The following KIAA1755 variants were observed in gnomAD, a reference collection of about 807,000 sequenced individuals.
The protein encoded by KIAA1755 is KIAA1755.
In KIAA1755, 68 loss-of-function variants were observed where a neutral mutation model predicts 91.7. That is an observed-to-expected ratio of 0.74 (90% CI 0.61 to 0.91). KIAA1755 has a LOEUF of 0.91. KIAA1755 is among the 40% of genes least tolerant of loss of function. The pLI is 0.00. For missense variants in KIAA1755, 1,535 were observed against 1,494.4 expected, an observed-to-expected ratio of 1.03 and a Z score of -0.45; for synonymous variants, 610 against 604.6, an observed-to-expected ratio of 1.01 and a Z score of -0.13.
rs2075558860 is a variant in KIAA1755, at chr20:38,217,114, G to GC, written c.2901+138_2901+139insG. ...GTGTCTGTGCAAGTGGGTGGGGGGG[G>GC]GCTGTGTCTAGGTATCCAAGGGATG... On this transcript the variant is annotated intron_variant, in intron 13 of 13. Transcript: ENST00000279024. 4.2e-6 allele frequency: 3 copies of GC among 708,276 alleles called. No homozygotes were observed. The African/African-American group carries it at 5.3e-5, about 13-fold the overall frequency. 43.9% of individuals were successfully genotyped at this position (708,276 alleles called of 1,614,324 possible). A position where few individuals can be genotyped will look rare whatever the true frequency, so the allele number is the denominator to read the frequency against.
chr20:38,222,336 G>T, intron 10 of KIAA1755, 113 bp downstream of exon 10: 3 of 1,162,514 alleles, frequency 2.6e-6, no homozygotes, highest in South Asian at 1.5e-5. Flanking sequence ...CTACTGCAAA[G>T]CTGGGCGCCC....
chr20:38,237,951 G>A (rs143291629), intron 4 of KIAA1755, among the ~76,000 whole-genome samples: 31 of 152,224 alleles, frequency 2.0e-4, no homozygotes, highest in African/African-American at 7.0e-4. Flanking sequence ...TTGCACACAT[G>A]CTACACATCA....
intron 1 of KIAA1755, among the ~76,000 whole-genome samples, chr20:38,251,615 G>C (rs1464045295): frequency 6.6e-6 from 1 of 150,658 alleles, no homozygotes; most frequent in Non-Finnish European, 1.5e-5. Context: ...ACCCAGGCTG[G>C]AGTACAGTGA....
intron 7 of KIAA1755, 34 bp downstream of exon 7, chr20:38,227,120 C>T (rs756378222): frequency 4.5e-6 from 7 of 1,558,748 alleles, no homozygotes; most frequent in South Asian, 1.1e-5. Flanking sequence ...CCAACAACTC[C>T]CTTCCTCAAC....
At chr20:38,251,678 G>A (rs2123316293) in intron 1 of KIAA1755, among the ~76,000 whole-genome samples, 1 of 150,852 alleles carries the variant, frequency 6.6e-6, no homozygotes, top group African/African-American at 2.4e-5. Context: ...TGATTCTTCT[G>A]CTTCAGCCTC....
intron 10 of KIAA1755, among the ~76,000 whole-genome samples, chr20:38,221,567 C>T (rs997470608): frequency 6.6e-6 from 1 of 152,186 alleles, no homozygotes; most frequent in Admixed American, 6.6e-5. Context: ...CTGGACTAAT[C>T]ACTTACCTTC....
rs1175418390 is a variant in KIAA1755 at position 38,212,534 on chromosome 20, T to C, written c.*508A>G. On this transcript the variant is annotated 3_prime_UTR_variant, in exon 14 of 14. Coordinates refer to ENST00000279024, the MANE Select transcript of KIAA1755 (RefSeq NM_001029864.2). ...TCGCCTCCTACTCCCCCAGCAGAGG[T>C]TCCTGGATCAGCACCAAACACACTG... is the stretch of plus-strand genomic sequence containing the variant. 2 of 153,618 alleles carry C rather than the reference T, an allele frequency of 1.3e-5. No homozygotes were observed. The highest frequency in any genetic ancestry group is 2.9e-5 in the Non-Finnish European group (2 of 69,154). The allele number at this position is 153,618 out of a possible 1,614,324, so 9.5% of individuals were successfully genotyped here.
intron 8 of KIAA1755, among the ~76,000 whole-genome samples, chr20:38,223,868 A>G (rs1217664905): frequency 1.3e-5 from 2 of 152,154 alleles, no homozygotes; most frequent in Non-Finnish European, 2.9e-5. Flanking sequence ...ACAAGTTCCC[A>G]GGTGTTGCTG....
At chr20:38,242,482 C>A (rs929596312) in intron 2 of KIAA1755, among the ~76,000 whole-genome samples, 2 of 152,174 alleles carry the variant, frequency 1.3e-5, no homozygotes, top group Non-Finnish European at 2.9e-5. Context: ...GTAAATCCAT[C>A]ATAAATTGAA....
At chr20:38,260,217 AG>A in intron 1 of KIAA1755, 1 of 1,468,772 alleles carries the variant, frequency 6.8e-7, no homozygotes, top group Non-Finnish European at 9.1e-7. Context: ...GCTGAGATTC[AG>A]GCTCAGGTCT....
rs369458417 is a variant in KIAA1755 at position 38,227,202 on chromosome 20, C to G, written c.2004G>C (p.Leu668=). The G allele has an allele frequency of 1.5e-5, 25 of 1,613,906 alleles. No individual in the cohort carries two copies. Among genetic ancestry groups the G allele is most frequent in the Non-Finnish European group, 1.9e-5 (23 of 1,179,952 alleles). Residue 668 remains leucine (L), a synonymous_variant, in exon 7 of 14, where the codon CTG becomes CTC. Coordinates refer to ENST00000279024, the MANE Select transcript of KIAA1755 (RefSeq NM_001029864.2). ...GCTGGAGAGCCGCCTCCTTCTCCCC[C>G]AGGAAGAGAATAGCCCGGATAGAGG... ...VPASIRAILF[L]GEKEAALQLQ...
intron 1 of KIAA1755, among the ~76,000 whole-genome samples, chr20:38,251,304 AT>A (rs2076245922): frequency 6.6e-6 from 1 of 152,084 alleles, no homozygotes; most frequent in Non-Finnish European, 1.5e-5. Context: ...AGCTCAGGGA[AT>A]TTGAAAGGGA....
chr20:38,235,164 A>G (rs184548165), intron 4 of KIAA1755, among the ~76,000 whole-genome samples: 1 of 152,304 alleles, frequency 6.6e-6, no homozygotes, highest in East Asian at 1.9e-4. Context: ...TGGATATTTA[A>G]AATGTATAGA....
intron 13 of KIAA1755, among the ~76,000 whole-genome samples, chr20:38,215,386 C>T (rs903422189): frequency 2.6e-5 from 4 of 152,200 alleles, no homozygotes; most frequent in African/African-American, 4.8e-5. Flanking sequence ...CCTTGTGGGC[C>T]GAGCCCGTGC....
intron 1 of KIAA1755, among the ~76,000 whole-genome samples, chr20:38,246,989 C>T (rs760662156): frequency 6.6e-6 from 1 of 152,192 alleles, no homozygotes; most frequent in Non-Finnish European, 1.5e-5. Flanking sequence ...CGCCCTGATC[C>T]AGGCTTCACC....
intron 2 of KIAA1755, among the ~76,000 whole-genome samples, chr20:38,243,110 G>C (rs2076096972): frequency 6.6e-6 from 1 of 152,160 alleles, no homozygotes; most frequent in African/African-American, 2.4e-5. Flanking sequence ...GTCTTTAACT[G>C]GCTTTTGGAA....
At position 38,240,725 on chromosome 20, in the gene KIAA1755, G is replaced by C. The variant is rs765300118; in HGVS notation, c.1406C>G (p.Pro469Arg). The C allele has an allele frequency of 3.2e-6, 5 of 1,572,230 alleles. No homozygotes were observed. The South Asian group carries it at 4.8e-5, about 15-fold the overall frequency. Residue 469 changes from proline (P) to arginine (R), a missense_variant, in exon 3 of 14, where the codon CCT becomes CGT. By Grantham distance (103) the Pro-to-Arg change is moderately radical. Transcript: ENST00000279024. The part of the protein sequence containing the change: ...RNTSSPEPPT[P>R]GLKFSFLRGQ... ...TCTCAAGAATGAGAATTTGAGCCCA[G>C]GAGTGGGGGGCTCAGGGGAGGAGGT...
intron 13 of KIAA1755, among the ~76,000 whole-genome samples, chr20:38,215,359 G>A (rs542449858): frequency 1.3e-5 from 2 of 152,116 alleles, no homozygotes; most frequent in African/African-American, 2.4e-5. Flanking sequence ...CTGACTCCCC[G>A]CACAGCCTCC....
At chr20:38,245,812 A>T in intron 2 of KIAA1755, 117 bp downstream of exon 2, 1 of 906,190 alleles carries the variant, frequency 1.1e-6, no homozygotes, top group Admixed American at 2.1e-5. Context: ...GTCCCCCCAC[A>T]CCCTCAGCTC....
Sources: gnomAD v4.1 joint callset for allele counts (sites outside exome capture counted in the v4.1 genomes callset) on GRCh38, gnomAD v4.1.1 for gene constraint, MANE v1.5 for transcripts, NCBI Gene and HGNC (gene_info 2026-07-23, HGNC 2026-07-21) for gene names.